Variants in CNTNAP2 observed in about 807,000 individuals in gnomAD.
CNTNAP2 encodes the protein contactin-associated protein-like 2.
In CNTNAP2, 98 loss-of-function variants were observed where a neutral mutation model predicts 155.2. The ratio of observed to expected loss-of-function variants is 0.63; its 90% CI spans 0.54 to 0.75. The LOEUF is 0.75. CNTNAP2 is among the 30% of genes least tolerant of loss of function. The pLI is 0.00. For synonymous variants in CNTNAP2, 651 were observed against 631.2 expected, an observed-to-expected ratio of 1.03 and a Z score of -0.47; for missense variants, 1,727 against 1,688.1, an observed-to-expected ratio of 1.02 and a Z score of -0.40.
intron 15 of CNTNAP2, among the ~76,000 whole-genome samples, chr7:147,999,935 AC>A (rs1337948162): frequency 1.3e-5 from 2 of 152,062 alleles, no homozygotes; most frequent in African/African-American, 2.4e-5. Flanking sequence ...GTGGATTTCT[AC>A]CCCCAGTACT....
intron 1 of CNTNAP2, 105 bp downstream of exon 1, chr7:146,117,078 A>C: frequency 2.1e-6 from 2 of 958,876 alleles, no homozygotes; most frequent in East Asian, 2.6e-5. Context: ...TGGCACCCTG[A>C]TGTGTTTGTG....
intron 3 of CNTNAP2, among the ~76,000 whole-genome samples, chr7:146,919,795 G>A (rs983009908): frequency 4.6e-5 from 7 of 152,112 alleles, no homozygotes; most frequent in African/African-American, 1.7e-4. Flanking sequence ...ACTGTCCCAT[G>A]GAGCCTGTAG....
chr7:147,238,831 T>C (rs1027693952), intron 8 of CNTNAP2, among the ~76,000 whole-genome samples: 6 of 152,196 alleles, frequency 3.9e-5, no homozygotes, highest in Non-Finnish European at 7.3e-5. Flanking sequence ...TTAATAACAA[T>C]TGCTATGAAA....
At chr7:147,049,297 C>A (rs1371988291) in intron 4 of CNTNAP2, among the ~76,000 whole-genome samples, 1 of 152,098 alleles carries the variant, frequency 6.6e-6, no homozygotes, top group Non-Finnish European at 1.5e-5. Flanking sequence ...ACACTTATCT[C>A]TTTTCCAAGA....
intron 9 of CNTNAP2, among the ~76,000 whole-genome samples, chr7:147,388,462 G>A (rs1227749944): frequency 2.0e-5 from 3 of 152,118 alleles, no homozygotes; most frequent in Non-Finnish European, 4.4e-5. Context: ...TCTGTATATT[G>A]ACCAAATATA....
At chr7:147,351,295 A>G (rs1795964527) in intron 9 of CNTNAP2, among the ~76,000 whole-genome samples, 1 of 151,788 alleles carries the variant, frequency 6.6e-6, no homozygotes. Flanking sequence ...AAATTTGTAT[A>G]TATTATACTA....
intron 3 of CNTNAP2, among the ~76,000 whole-genome samples, chr7:146,868,615 A>G (rs990011252): frequency 6.6e-6 from 1 of 152,182 alleles, no homozygotes; most frequent in Non-Finnish European, 1.5e-5. Context: ...CTGTATAGCC[A>G]TATTAATGAT....
intron 18 of CNTNAP2, among the ~76,000 whole-genome samples, chr7:148,201,996 A>G (rs1795377602): frequency 6.6e-6 from 1 of 151,976 alleles, no homozygotes; most frequent in Non-Finnish European, 1.5e-5. Context: ...AAGAGAGTCA[A>G]TCTCACTTCC....
intron 8 of CNTNAP2, among the ~76,000 whole-genome samples, chr7:147,269,260 A>G (rs1018804531): frequency 2.6e-5 from 4 of 152,276 alleles, no homozygotes; most frequent in Admixed American, 6.5e-5. Context: ...TTATGTATCT[A>G]GGGTAACTTT....
intron 13 of CNTNAP2, among the ~76,000 whole-genome samples, chr7:147,646,176 C>T (rs1044872221): frequency 6.6e-6 from 1 of 152,062 alleles, no homozygotes; most frequent in Non-Finnish European, 1.5e-5. Flanking sequence ...ATGCTGGAAT[C>T]AACAGGAGTT....
intron 8 of CNTNAP2, among the ~76,000 whole-genome samples, chr7:147,180,882 A>G (rs1802442680): frequency 6.6e-6 from 1 of 152,224 alleles, no homozygotes; most frequent in Non-Finnish European, 1.5e-5. Flanking sequence ...TAAAGAATAC[A>G]GAGAAAACAT....
intron 1 of CNTNAP2, among the ~76,000 whole-genome samples, chr7:146,444,999 C>T (rs1175526089): frequency 1.3e-5 from 2 of 151,640 alleles, no homozygotes; most frequent in African/African-American, 4.8e-5. Flanking sequence ...AGTGTGTTCA[C>T]CTAAGTGGTT....
intron 9 of CNTNAP2, among the ~76,000 whole-genome samples, chr7:147,318,664 G>C (rs1795282850): frequency 6.6e-6 from 1 of 151,846 alleles, no homozygotes; most frequent in Admixed American, 6.6e-5. Context: ...GGGCCTATCG[G>C]GAGGTGGGGG....
At chr7:146,806,641 T>G (rs1802972701) in intron 2 of CNTNAP2, among the ~76,000 whole-genome samples, 1 of 152,222 alleles carries the variant, frequency 6.6e-6, no homozygotes, top group African/African-American at 2.4e-5. Flanking sequence ...ACCACTTCTC[T>G]GGGAGCAGGA....
At chr7:146,645,021 A>C (rs570038001) in intron 1 of CNTNAP2, among the ~76,000 whole-genome samples, 12 of 152,196 alleles carry the variant, frequency 7.9e-5, no homozygotes, top group Non-Finnish European at 1.3e-4. Flanking sequence ...GGGCAGAGAC[A>C]CAACCAAAAA....
At chr7:148,017,737 A>G (rs189059368) in intron 15 of CNTNAP2, among the ~76,000 whole-genome samples, 2 of 152,354 alleles carry the variant, frequency 1.3e-5, no homozygotes, top group East Asian at 3.9e-4. Flanking sequence ...ATGCCCATCT[A>G]TGTAACAGTA....
chr7:148,328,407 G>C (rs1797927861), intron 21 of CNTNAP2, among the ~76,000 whole-genome samples: 1 of 152,150 alleles, frequency 6.6e-6, no homozygotes. Flanking sequence ...TTGATCATTT[G>C]GGGCCAGCTT....
intron 13 of CNTNAP2, among the ~76,000 whole-genome samples, chr7:147,761,849 C>T (rs981897334): frequency 1.3e-5 from 2 of 151,990 alleles, no homozygotes; most frequent in East Asian, 1.9e-4. Context: ...TTTCCTCTGT[C>T]GCTGGAACAA....
intron 11 of CNTNAP2, among the ~76,000 whole-genome samples, chr7:147,487,476 G>T (rs1798530237): frequency 6.6e-6 from 1 of 152,080 alleles, no homozygotes; most frequent in African/African-American, 2.4e-5. Context: ...ATGAAACTCA[G>T]TGCCTTCACT....
Sources: gnomAD v4.1 joint callset for allele counts (sites outside exome capture counted in the v4.1 genomes callset) on GRCh38, gnomAD v4.1.1 for gene constraint, MANE v1.5 for transcripts, NCBI Gene and HGNC (gene_info 2026-07-23, HGNC 2026-07-21) for gene names.